The following FRMPD4 variants were observed in gnomAD, a reference collection of about 807,000 sequenced individuals.
FRMPD4 encodes the protein FERM and PDZ domain containing 4, also known as FERM and PDZ domain-containing protein 4.
Under a neutral mutation model 94.1 loss-of-function variants are expected in FRMPD4, and 22 were observed. The ratio of observed to expected loss-of-function variants is 0.23; its 90% CI spans 0.17 to 0.33. The LOEUF is 0.33. Ranked by LOEUF, FRMPD4 falls within the 10% of genes least tolerant of loss-of-function variation. The pLI, the probability that FRMPD4 is intolerant of heterozygous loss-of-function variation, is 1.00. For synonymous variants in FRMPD4, 631 were observed against 548.6 expected (o/e 1.15, Z -2.10); for missense variants, 1,111 against 1,339.9 (o/e 0.83, Z 2.67).
chrX:12,719,512 T>C (rs1264649962), intron 16 of FRMPD4, among the ~76,000 whole-genome samples: 1 of 112,794 alleles, frequency 8.9e-6, no homozygotes, highest in African/African-American at 3.2e-5. Context: ...CAAAAGCAGA[T>C]ACTCTTTCAT....
intron 1 of FRMPD4, among the ~76,000 whole-genome samples, chrX:11,846,909 A>T (rs7886783): frequency 0.39 from 40,609 of 104,553 alleles, 6,807 homozygotes; most frequent in African/African-American, 0.58. Flanking sequence ...TAAACGTTAG[A>T]CCTAAAACCA....
intron 8 of FRMPD4, 104 bp downstream of exon 8, chrX:12,690,430 A>G (rs752824557): frequency 4.9e-4 from 313 of 633,304 alleles, no homozygotes; most frequent in Non-Finnish European, 6.5e-4. Context: ...TATTAATTGT[A>G]TCCCTGGGTA....
intron 1 of FRMPD4, among the ~76,000 whole-genome samples, chrX:12,184,624 C>T (rs182864787): frequency 1.3e-3 from 150 of 112,256 alleles, no homozygotes; most frequent in African/African-American, 4.8e-3. Context: ...TACATATACA[C>T]AGTGGAGCAC....
chrX:11,907,285 C>G (rs943112500), intron 3 of FRMPD4, among the ~76,000 whole-genome samples: 1 of 110,779 alleles, frequency 9.0e-6, no homozygotes, highest in African/African-American at 3.3e-5. Context: ...TTAAAAAAAT[C>G]AACTCCTTCT....
chrX:11,927,221 C>T, intron 3 of FRMPD4, among the ~76,000 whole-genome samples: 2 of 109,767 alleles, frequency 1.8e-5, no homozygotes. Context: ...AAAGAAACTA[C>T]AAAACACTGC....
intron 1 of FRMPD4, among the ~76,000 whole-genome samples, chrX:12,474,795 G>C (rs948811471): frequency 5.4e-5 from 6 of 111,345 alleles, no homozygotes; most frequent in African/African-American, 1.6e-4. Context: ...CCAACAACAG[G>C]CTCTGAAATT....
At chrX:12,342,475 T>A (rs1366843588) in intron 1 of FRMPD4, among the ~76,000 whole-genome samples, 1 of 111,920 alleles carries the variant, frequency 8.9e-6, no homozygotes, top group Admixed American at 9.5e-5. Context: ...ACAGAGAGCA[T>A]GACCTGGAAC....
intron 13 of FRMPD4, among the ~76,000 whole-genome samples, chrX:12,708,402 G>A (rs1331152097): frequency 9.4e-6 from 1 of 106,513 alleles, no homozygotes; most frequent in Non-Finnish European, 1.9e-5. Context: ...CCCAGAGGTG[G>A]AGGTTCCAGT....
chrX:12,500,371 G>A (rs1035040210), intron 2 of FRMPD4, among the ~76,000 whole-genome samples: 3 of 111,499 alleles, frequency 2.7e-5, no homozygotes, highest in Non-Finnish European at 5.6e-5. Context: ...ACCAACCCCC[G>A]CGCACCACCA....
chrX:12,539,802 T>C (rs1328846721), intron 2 of FRMPD4, among the ~76,000 whole-genome samples: 1 of 111,139 alleles, frequency 9.0e-6, no homozygotes, highest in Non-Finnish European at 1.9e-5. Flanking sequence ...CCAGGCTAAT[T>C]TTTGTATTTT....
intron 2 of FRMPD4, among the ~76,000 whole-genome samples, chrX:11,877,659 T>C (rs1345173325): frequency 2.7e-5 from 3 of 111,988 alleles, no homozygotes; most frequent in African/African-American, 9.8e-5. Flanking sequence ...AAAAAGTTCC[T>C]GTTAATAATT....
At chrX:11,826,207 A>G (rs765185648) in intron 1 of FRMPD4, among the ~76,000 whole-genome samples, 57 of 112,173 alleles carry the variant, frequency 5.1e-4, no homozygotes, top group African/African-American at 1.8e-3. Flanking sequence ...CAAAGATTGA[A>G]ATAGTCACAC....
chrX:12,530,624 A>G (rs947282424), intron 2 of FRMPD4, among the ~76,000 whole-genome samples: 2 of 111,479 alleles, frequency 1.8e-5, no homozygotes, highest in Middle Eastern at 4.6e-3. Context: ...GAGATGTTTT[A>G]GGGCTGGAAT....
intron 4 of FRMPD4, among the ~76,000 whole-genome samples, chrX:12,643,337 G>T (rs756323640): frequency 1.8e-5 from 2 of 110,883 alleles, no homozygotes; most frequent in South Asian, 7.7e-4. Flanking sequence ...TGGCCAGTCT[G>T]GTCTCAAACT....
intron 2 of FRMPD4, among the ~76,000 whole-genome samples, chrX:12,516,138 T>C (rs1400657509): frequency 8.9e-6 from 1 of 112,149 alleles, no homozygotes; most frequent in African/African-American, 3.2e-5. Flanking sequence ...CTGATGGGTC[T>C]TGACTCTTTA....
At chrX:12,516,507 AT>A (rs1468650995) in intron 2 of FRMPD4, among the ~76,000 whole-genome samples, 1 of 112,191 alleles carries the variant, frequency 8.9e-6, no homozygotes, top group African/African-American at 3.2e-5. Flanking sequence ...TCTTTTAAGA[AT>A]GTTGAATAAT....
intron 3 of FRMPD4, among the ~76,000 whole-genome samples, chrX:12,116,484 C>T (rs967371172): frequency 4.5e-5 from 5 of 112,211 alleles, no homozygotes; most frequent in African/African-American, 6.5e-5. Context: ...ACCTTTCCCC[C>T]CAGATAGCCT....
At chrX:12,633,099 T>G (rs2059410950) in intron 4 of FRMPD4, among the ~76,000 whole-genome samples, 1 of 111,981 alleles carries the variant, frequency 8.9e-6, no homozygotes, top group Non-Finnish European at 1.9e-5. Flanking sequence ...AAGTGCTGAC[T>G]GTGTACAGGA....
intron 3 of FRMPD4, among the ~76,000 whole-genome samples, chrX:12,035,436 G>A (rs943355915): frequency 1.8e-5 from 2 of 111,857 alleles, no homozygotes; most frequent in African/African-American, 6.5e-5. Flanking sequence ...TTAGACTCTA[G>A]GGATCTTTCT....
Sources: gnomAD v4.1 joint callset for allele counts (sites outside exome capture counted in the v4.1 genomes callset) on GRCh38, gnomAD v4.1.1 for gene constraint, MANE v1.5 for transcripts, NCBI Gene and HGNC (gene_info 2026-07-23, HGNC 2026-07-21) for gene names.